SCLT1: variants seen among roughly 807,000 people sequenced by gnomAD.
SCLT1 encodes the protein sodium channel and clathrin linker 1, also known as sodium channel-associated protein 1.
SCLT1 carries 78 observed loss-of-function variants against 112.8 expected under a neutral mutation model. The ratio of observed to expected loss-of-function variants is 0.69; its 90% CI spans 0.58 to 0.83. The LOEUF is 0.83. Among genes scored for constraint, SCLT1 ranks in the 40% least tolerant of loss-of-function variants. The pLI is 0.00. For synonymous variants in SCLT1, 257 were observed against 254.7 expected (o/e 1.01, Z -0.09); for missense variants, 747 against 770.4 (o/e 0.97, Z 0.36).
intron 2 of SCLT1, among the ~76,000 whole-genome samples, chr4:129,053,898 T>C (rs1749096080): frequency 6.6e-6 from 1 of 152,148 alleles, no homozygotes; most frequent in African/African-American, 2.4e-5. Context: ...TCACCAGTTT[T>C]TCCTTTCCAT....
At chr4:128,898,115 G>A (rs942713033) in intron 18 of SCLT1, among the ~76,000 whole-genome samples, 1 of 152,022 alleles carries the variant, frequency 6.6e-6, no homozygotes, top group African/African-American at 2.4e-5. Context: ...ACAGATCAAC[G>A]AGACAGAAAG....
At chr4:129,072,993 G>A (rs969332103) in intron 2 of SCLT1, among the ~76,000 whole-genome samples, 2 of 152,108 alleles carry the variant, frequency 1.3e-5, no homozygotes, top group Non-Finnish European at 2.9e-5. Context: ...CCCTTGGGGT[G>A]TTCCCTTGAT....
At chr4:128,950,449 A>G (rs886110826) in intron 14 of SCLT1, among the ~76,000 whole-genome samples, 4 of 152,214 alleles carry the variant, frequency 2.6e-5, no homozygotes, top group Admixed American at 2.6e-4. Flanking sequence ...TCTAGTAGAA[A>G]TGCACTATAA....
chr4:128,902,990 T>C (rs1734437184), intron 18 of SCLT1, among the ~76,000 whole-genome samples: 1 of 152,056 alleles, frequency 6.6e-6, no homozygotes, highest in Non-Finnish European at 1.5e-5. Flanking sequence ...ATAACACACA[T>C]GGCACTGTCA....
At chr4:129,049,795 C>T (rs1286163663) in intron 2 of SCLT1, among the ~76,000 whole-genome samples, 2 of 151,722 alleles carry the variant, frequency 1.3e-5, no homozygotes, top group South Asian at 2.1e-4. Context: ...CATAGGTATA[C>T]ATGTGCCATG....
intron 5 of SCLT1, among the ~76,000 whole-genome samples, chr4:129,023,515 G>C (rs1745685910): frequency 6.6e-6 from 1 of 152,222 alleles, no homozygotes; most frequent in Non-Finnish European, 1.5e-5. Flanking sequence ...TGATAAAACA[G>C]ACTTTAAACC....
At chr4:128,928,302 G>C (rs991226751) in intron 18 of SCLT1, among the ~76,000 whole-genome samples, 4 of 151,902 alleles carry the variant, frequency 2.6e-5, no homozygotes, top group Admixed American at 6.6e-5. Flanking sequence ...TATAACTTGA[G>C]AGTTCAAGAA....
chr4:129,046,784 C>T (rs1043631887), intron 2 of SCLT1, among the ~76,000 whole-genome samples: 1 of 152,050 alleles, frequency 6.6e-6, no homozygotes, highest in African/African-American at 2.4e-5. Context: ...TTTACTCTCC[C>T]ACAGGCAGTA....
rs913332286 is a variant in SCLT1, at chr4:128,991,486, AGCTAAAAAGCTTCTG to A, written c.686+666_686+680del. 4.6e-5 allele frequency among the ~76,000 whole-genome samples: 7 copies of A among 152,038 alleles called. No individual in the cohort carries two copies. The East Asian group carries it at 1.2e-3, about 25-fold the overall frequency. ...AAAATGTACATATGGGATCGTATCA[AGCTAAAAAGCTTCTG>A]GACAGCAAAGGAAACAATAAGTAAA... On this transcript the variant is annotated intron_variant, in intron 9 of 20. Coordinates refer to ENST00000281142, the MANE Select transcript of SCLT1 (RefSeq NM_144643.4).
intron 8 of SCLT1, among the ~76,000 whole-genome samples, chr4:128,994,785 A>G (rs561339651): frequency 7.2e-5 from 11 of 152,214 alleles, no homozygotes; most frequent in African/African-American, 2.6e-4. Flanking sequence ...AGCATTGGGC[A>G]TTTCTTCACA....
At chr4:129,014,799 T>C (rs576940730) in intron 5 of SCLT1, among the ~76,000 whole-genome samples, 1 of 152,330 alleles carries the variant, frequency 6.6e-6, no homozygotes, top group Non-Finnish European at 1.5e-5. Context: ...GTGCCAGCAA[T>C]AGCAGTAGCA....
intron 5 of SCLT1, among the ~76,000 whole-genome samples, chr4:129,011,459 G>A (rs1937107227): frequency 6.6e-6 from 1 of 151,744 alleles, no homozygotes; most frequent in Admixed American, 6.6e-5. Context: ...CTGTTGCATT[G>A]GTCTATGTGC....
intron 14 of SCLT1, 26 bp downstream of exon 14, chr4:128,952,743 G>A (rs1335266676): frequency 1.6e-6 from 2 of 1,219,460 alleles, no homozygotes; most frequent in Middle Eastern, 1.9e-4. Flanking sequence ...ATATTTGGAA[G>A]AAAATATCAG....
At chr4:128,991,350 A>G (rs575014391) in intron 9 of SCLT1, among the ~76,000 whole-genome samples, 6 of 151,948 alleles carry the variant, frequency 3.9e-5, no homozygotes, top group Admixed American at 6.6e-5. Flanking sequence ...GACTAAATCT[A>G]AGACCTGAAA....
At chr4:128,963,065 G>C (rs551439070) in intron 11 of SCLT1, among the ~76,000 whole-genome samples, 2 of 152,156 alleles carry the variant, frequency 1.3e-5, no homozygotes, top group East Asian at 3.9e-4. Context: ...TAGTAAATAT[G>C]GGTGAAATCT....
chr4:128,878,251 C>A (rs1402537051), intron 3 of SCLT1, among the ~76,000 whole-genome samples: 2 of 152,106 alleles, frequency 1.3e-5, no homozygotes, highest in African/African-American at 2.4e-5. Context: ...TAATGTATCG[C>A]CAATGTGTCC....
rs1553967724 is a variant in SCLT1 at position 128,949,858 on chromosome 4, T to TC, written c.1219-1289dup. ...GGCTTTTTTTCCTCTTTTTTTTTTT[T>TC]CCCCTAATTGTGAATCATGCTTTGG... On this transcript the variant is annotated intron_variant, in intron 14 of 20. Transcript: ENST00000281142. Among the ~76,000 whole-genome samples, 158 of 151,388 alleles carry TC rather than the reference T, an allele frequency of 1.0e-3. 1 individual carries two copies. The highest frequency in any genetic ancestry group is 2.6e-3 in the African/African-American group (107 of 41,276).
At chr4:129,085,099 G>A (rs1450991710) in intron 1 of SCLT1, among the ~76,000 whole-genome samples, 2 of 152,162 alleles carry the variant, frequency 1.3e-5, no homozygotes. Flanking sequence ...CAAAGTGGGA[G>A]AAAATTTCTG....
At chr4:128,966,318 T>C (rs1324168580) in intron 10 of SCLT1, among the ~76,000 whole-genome samples, 12 of 152,078 alleles carry the variant, frequency 7.9e-5, no homozygotes, top group Non-Finnish European at 1.6e-4. Context: ...GTTTGAACTA[T>C]TTTTTAGTGG....
Sources: allele counts gnomAD v4.1 joint callset (sites outside exome capture counted in the v4.1 genomes callset), GRCh38; gene constraint gnomAD v4.1.1; transcripts MANE v1.5; gene names NCBI Gene and HGNC (gene_info 2026-07-23, HGNC 2026-07-21).